DLGAP2: variants seen among roughly 807,000 people sequenced by gnomAD.
DLGAP2 encodes the protein disks large-associated protein 2.
DLGAP2 carries 26 observed loss-of-function variants against 100.3 expected under a neutral mutation model. That is an observed-to-expected ratio of 0.26 (90% confidence interval 0.19 to 0.36). The LOEUF (loss-of-function observed/expected upper bound fraction) is 0.36, where lower values mean the gene tolerates loss of function less well. Among genes scored for constraint, DLGAP2 ranks in the 10% least tolerant of loss-of-function variants. The pLI is 1.00. For missense variants in DLGAP2, 1,858 were observed against 1,453.2 expected, an observed-to-expected ratio of 1.28 and a Z score of -4.53; for synonymous variants, 886 against 630.1, an observed-to-expected ratio of 1.41 and a Z score of -6.08.
intron 3 of DLGAP2, among the ~76,000 whole-genome samples, chr8:1,443,288 C>T (rs1212920299): frequency 2.6e-5 from 4 of 151,496 alleles, no homozygotes; most frequent in African/African-American, 4.9e-5. Flanking sequence ...GCCTTCCCTC[C>T]ACTGCCCAGA....
chr8:1,347,144 C>T (rs1468822373), intron 3 of DLGAP2, among the ~76,000 whole-genome samples: 3 of 151,738 alleles, frequency 2.0e-5, no homozygotes, highest in South Asian at 2.1e-4. Context: ...CTCATGGCGG[C>T]TGTGTGGAGG....
At chr8:927,749 G>C (rs910563721) in intron 2 of DLGAP2, among the ~76,000 whole-genome samples, 2 of 152,178 alleles carry the variant, frequency 1.3e-5, no homozygotes, top group Non-Finnish European at 2.9e-5. Flanking sequence ...GGAGTATGGG[G>C]TTAGAGTTGG....
chr8:1,147,913 C>A (rs1004869077), intron 2 of DLGAP2, among the ~76,000 whole-genome samples: 2 of 152,018 alleles, frequency 1.3e-5, no homozygotes, highest in Non-Finnish European at 2.9e-5. Flanking sequence ...TAGTGTTTTT[C>A]TATTTACGTT....
chr8:859,409 G>A (rs1797347276), intron 1 of DLGAP2, among the ~76,000 whole-genome samples: 1 of 152,184 alleles, frequency 6.6e-6, no homozygotes, highest in Non-Finnish European at 1.5e-5. Context: ...AGCACACCTG[G>A]CCCTGTCTTA....
chr8:1,019,696 T>C lies in DLGAP2; in HGVS notation c.73+111730T>C, dbSNP rs564550494. On this transcript the variant is annotated intron_variant, in intron 2 of 14. Coordinates refer to ENST00000637795, the MANE Select transcript of DLGAP2 (RefSeq NM_001346810.2). ...TGGTGTGATTATACATATAAAGATA[T>C]GTCTAGAATTCATGTCTCTATCAGA... 5 of 152,322 alleles carry C rather than the reference T, an allele frequency of 3.3e-5. No individual in the cohort carries two copies. The South Asian group carries it at 6.2e-4, about 19-fold the overall frequency. 9.4% of individuals were successfully genotyped at this position (152,322 alleles called of 1,614,324 possible). A position where few individuals can be genotyped will look rare whatever the true frequency, so the allele number is the denominator to read the frequency against.
chr8:1,084,328 A>G (rs1357065530), intron 2 of DLGAP2, among the ~76,000 whole-genome samples: 2 of 152,266 alleles, frequency 1.3e-5, no homozygotes, highest in Non-Finnish European at 2.9e-5. Flanking sequence ...TGAATCCAGC[A>G]TAGAACAATT....
intron 2 of DLGAP2, among the ~76,000 whole-genome samples, chr8:1,074,723 T>C (rs1803549658): frequency 6.6e-6 from 1 of 152,214 alleles, no homozygotes. Context: ...CTCCTCGTCT[T>C]TCCAGTGACC....
intron 2 of DLGAP2, among the ~76,000 whole-genome samples, chr8:1,228,926 C>A (rs1034822396): frequency 2.0e-5 from 3 of 151,792 alleles, no homozygotes; most frequent in Non-Finnish European, 4.4e-5. Flanking sequence ...AGGTTCTAGG[C>A]AGGAAAAGCA....
At chr8:1,574,965 CTGAG>C (rs1802906123) in intron 6 of DLGAP2, among the ~76,000 whole-genome samples, 1 of 152,184 alleles carries the variant, frequency 6.6e-6, no homozygotes, top group Non-Finnish European at 1.5e-5. Flanking sequence ...CTGCTAGTGA[CTGAG>C]TATCTTCCAC....
At chr8:1,133,616 C>G (rs995262319) in intron 2 of DLGAP2, among the ~76,000 whole-genome samples, 1 of 152,026 alleles carries the variant, frequency 6.6e-6, no homozygotes, top group African/African-American at 2.4e-5. Context: ...CTCACCAAGT[C>G]AAAATAAATA....
intron 6 of DLGAP2, among the ~76,000 whole-genome samples, chr8:1,623,448 A>T (rs1797402071): frequency 6.6e-6 from 1 of 151,108 alleles, no homozygotes. Context: ...GTGCATCATG[A>T]CCTGACACCA....
chr8:1,668,529 A>G lies in DLGAP2; in HGVS notation c.2011A>G (p.Lys671Glu). 22 of 1,593,400 alleles carry G rather than the reference A, an allele frequency of 1.4e-5. No homozygotes were observed. The highest frequency in any genetic ancestry group is 1.7e-5 in the Non-Finnish European group (20 of 1,171,004). ...CTCCACGGACAGCCTGGACAGCAACAAGGCCATGAACCTCGCGCTGGAAAC... is the reference window on the plus strand; with the variant it reads ...CTCCACGGACAGCCTGGACAGCAACGAGGCCATGAACCTCGCGCTGGAAAC... ...YNSTDSLDSN[K>E]AMNLALETAA... Residue 671 changes from lysine (K) to glutamate (E), a missense_variant, in exon 9 of 15, where the codon AAG becomes GAG. By Grantham distance (56) the Lys-to-Glu change is moderately conservative. Coordinates refer to ENST00000637795, the MANE Select transcript of DLGAP2 (RefSeq NM_001346810.2).
At chr8:1,694,627 G>A (rs1376253642) in intron 13 of DLGAP2, among the ~76,000 whole-genome samples, 2 of 152,180 alleles carry the variant, frequency 1.3e-5, no homozygotes, top group African/African-American at 2.4e-5. Context: ...CACCCACTGA[G>A]CCTGCCTCTG....
intron 3 of DLGAP2, among the ~76,000 whole-genome samples, chr8:1,363,739 C>G (rs936489918): frequency 6.6e-6 from 1 of 152,234 alleles, no homozygotes; most frequent in East Asian, 1.9e-4. Context: ...GGCAGCTCCT[C>G]TCTGGTGGCT....
intron 1 of DLGAP2, among the ~76,000 whole-genome samples, chr8:837,664 ATGTG>A (rs34602128): frequency 8.2e-5 from 12 of 145,982 alleles, no homozygotes; most frequent in South Asian, 2.1e-4. Flanking sequence ...GTTTGTGTGT[ATGTG>A]TGTGTGTGTG....
intron 3 of DLGAP2, among the ~76,000 whole-genome samples, chr8:1,311,948 A>C (rs1473037750): frequency 6.6e-6 from 1 of 152,244 alleles, no homozygotes; most frequent in African/African-American, 2.4e-5. Flanking sequence ...TCCACCATTA[A>C]TGCTGGAGAT....
At chr8:1,068,348 G>A (rs545600826) in intron 2 of DLGAP2, among the ~76,000 whole-genome samples, 10 of 152,356 alleles carry the variant, frequency 6.6e-5, no homozygotes, top group African/African-American at 2.2e-4. Flanking sequence ...TGTATGACAA[G>A]CATGTGCTTA....
At chr8:978,775 C>T (rs1021005596) in intron 2 of DLGAP2, among the ~76,000 whole-genome samples, 3 of 152,030 alleles carry the variant, frequency 2.0e-5, no homozygotes, top group Non-Finnish European at 4.4e-5. Context: ...GGATTTTCCC[C>T]AGAAGTGAAT....
chr8:1,325,503 A>G (rs1801000836), intron 3 of DLGAP2, among the ~76,000 whole-genome samples: 2 of 152,196 alleles, frequency 1.3e-5, no homozygotes, highest in Admixed American at 6.5e-5. Flanking sequence ...CGGCGGATTT[A>G]TCTGTAAAAA....
Sources: gnomAD v4.1 joint callset for allele counts (sites outside exome capture counted in the v4.1 genomes callset) on GRCh38, gnomAD v4.1.1 for gene constraint, MANE v1.5 for transcripts, NCBI Gene and HGNC (gene_info 2026-07-23, HGNC 2026-07-21) for gene names.